FRMPD4: variants seen among roughly 807,000 people sequenced by gnomAD.
FRMPD4 encodes FERM and PDZ domain-containing protein 4.
FRMPD4 carries 22 observed loss-of-function variants against 94.1 expected under a neutral mutation model. The ratio of observed to expected loss-of-function variants is 0.23; its 90% CI spans 0.17 to 0.33. The LOEUF is 0.33. Among genes scored for constraint, FRMPD4 ranks in the 10% least tolerant of loss-of-function variants. The probability of loss-of-function intolerance (pLI) is 1.00; values close to 1 mark genes in which losing one functional copy is unlikely to be tolerated. For synonymous variants in FRMPD4, 631 were observed against 548.6 expected (o/e 1.15, Z -2.10); for missense variants, 1,111 against 1,339.9 (o/e 0.83, Z 2.67).
chrX:12,344,730 G>T (rs2055673456), intron 1 of FRMPD4, among the ~76,000 whole-genome samples: 1 of 112,272 alleles, frequency 8.9e-6, no homozygotes, highest in Non-Finnish European at 1.9e-5. Flanking sequence ...CAGACGAGTT[G>T]TGTTGACTTT....
chrX:12,296,904 T>C (rs191735843), intron 1 of FRMPD4, among the ~76,000 whole-genome samples: 27 of 112,331 alleles, frequency 2.4e-4, no homozygotes, highest in African/African-American at 8.7e-4. Flanking sequence ...CTGGCCATGC[T>C]CATGGAAGAA....
At chrX:12,144,583 C>T (rs1421886051) in intron 1 of FRMPD4, among the ~76,000 whole-genome samples, 2 of 110,286 alleles carry the variant, frequency 1.8e-5, no homozygotes, top group Non-Finnish European at 3.8e-5. Context: ...AAGTCATATA[C>T]AATTCATTCT....
chrX:12,078,905 T>C (rs892915879), intron 3 of FRMPD4, among the ~76,000 whole-genome samples: 1 of 111,675 alleles, frequency 9.0e-6, no homozygotes, highest in Admixed American at 9.5e-5. Flanking sequence ...TCAATTGAGA[T>C]CCACTAAGCC....
intron 1 of FRMPD4, among the ~76,000 whole-genome samples, chrX:12,336,782 G>A (rs1176700040): frequency 3.6e-5 from 4 of 111,968 alleles, no homozygotes; most frequent in East Asian, 2.8e-4. Context: ...CAGGAAAAAC[G>A]TCCAACTTCA....
intron 3 of FRMPD4, among the ~76,000 whole-genome samples, chrX:12,050,536 G>C (rs2054811144): frequency 9.0e-6 from 1 of 111,700 alleles, no homozygotes; most frequent in Non-Finnish European, 1.9e-5. Flanking sequence ...TTTCCCTGTT[G>C]TTAAGCAACA....
At chrX:12,086,071 C>CTGTGTG (rs753040402) in intron 3 of FRMPD4, among the ~76,000 whole-genome samples, 94 of 57,335 alleles carry the variant, frequency 1.6e-3, no homozygotes, top group African/African-American at 5.0e-3. Flanking sequence ...CTGCCTGTGT[C>CTGTGTG]TGTGTGCGTG....
chrX:11,879,704 A>C (rs966738563), intron 3 of FRMPD4, among the ~76,000 whole-genome samples: 2 of 111,758 alleles, frequency 1.8e-5, no homozygotes, highest in Admixed American at 1.9e-4. Context: ...CATAAAAAGA[A>C]ACCATTATTA....
intron 3 of FRMPD4, among the ~76,000 whole-genome samples, chrX:11,883,210 C>T (rs1285275338): frequency 9.0e-6 from 1 of 111,701 alleles, no homozygotes; most frequent in African/African-American, 3.3e-5. Context: ...TAGATGTTAG[C>T]GGTGAAGAGC....
chrX:12,553,466 A>C (rs1030914), intron 2 of FRMPD4, among the ~76,000 whole-genome samples: 1,468 of 77,485 alleles, frequency 0.019, 70 homozygotes, highest in South Asian at 0.089. Context: ...ATATATATAT[A>C]TCTAATCCAC....
In FRMPD4 at chrX:11,835,429, G is replaced by A. The variant is rs902063892; in HGVS notation, c.-161+12714G>A. 6.2e-5 allele frequency among the ~76,000 whole-genome samples: 7 copies of A among 112,078 alleles called. No individual in the cohort carries two copies. In the Admixed American group the frequency reaches 6.6e-4, roughly 11 times the overall value. On this transcript the variant is annotated intron_variant, in intron 1 of 18. Coordinates refer to the FRMPD4 transcript ENST00000640291. Reference sequence around the variant, plus strand: ...ATCAAAGCATCCAGATAGCACGAAGGCAGCAGGACTAAGAGAACAGGTATG... The same window carrying A: ...ATCAAAGCATCCAGATAGCACGAAGACAGCAGGACTAAGAGAACAGGTATG...
chrX:12,075,767 T>C (rs57202300), intron 3 of FRMPD4, among the ~76,000 whole-genome samples: 6,426 of 112,035 alleles, frequency 0.057, 485 homozygotes, highest in African/African-American at 0.2. Flanking sequence ...CAGTGGTTGC[T>C]GAATTAGTTT....
At chrX:12,043,748 A>G (rs754305716) in intron 3 of FRMPD4, among the ~76,000 whole-genome samples, 44 of 112,429 alleles carry the variant, frequency 3.9e-4, no homozygotes, top group African/African-American at 1.4e-3. Context: ...TCTTGATATT[A>G]AAATATTCCT....
intron 3 of FRMPD4, among the ~76,000 whole-genome samples, chrX:12,114,841 T>C (rs1177612009): frequency 8.9e-6 from 1 of 112,752 alleles, no homozygotes; most frequent in African/African-American, 3.2e-5. Flanking sequence ...ATTAGCTAAT[T>C]ACTTCTTTTT....
intron 1 of FRMPD4, among the ~76,000 whole-genome samples, chrX:12,475,884 A>G (rs200938336): frequency 9.1e-6 from 1 of 109,665 alleles, no homozygotes; most frequent in Admixed American, 9.7e-5. Flanking sequence ...AATGGCCATA[A>G]TGCCCAAGGT....
At chrX:12,157,182 T>G (rs987538325) in intron 1 of FRMPD4, among the ~76,000 whole-genome samples, 3 of 111,819 alleles carry the variant, frequency 2.7e-5, no homozygotes, top group African/African-American at 9.8e-5. Flanking sequence ...AAAACCTGAT[T>G]GTTTCATTTT....
chrX:12,146,514 G>A (rs950405764), intron 1 of FRMPD4, among the ~76,000 whole-genome samples: 2 of 111,353 alleles, frequency 1.8e-5, no homozygotes, highest in Non-Finnish European at 3.8e-5. Context: ...CCCTAACCAT[G>A]TTGAATTTTT....
chrX:12,461,639 C>G (rs1013949189), intron 1 of FRMPD4, among the ~76,000 whole-genome samples: 6 of 111,802 alleles, frequency 5.4e-5, no homozygotes, highest in Non-Finnish European at 9.4e-5. Context: ...TTCCACCTGC[C>G]AGCCCAGCAA....
chrX:12,044,545 C>T (rs1483980032), intron 3 of FRMPD4, among the ~76,000 whole-genome samples: 1 of 111,858 alleles, frequency 8.9e-6, no homozygotes, highest in Non-Finnish European at 1.9e-5. Context: ...GAAACATTAA[C>T]ATTGGACAGT....
chrX:12,214,502 T>C (rs917314407), intron 1 of FRMPD4, among the ~76,000 whole-genome samples: 2 of 112,560 alleles, frequency 1.8e-5, no homozygotes, highest in African/African-American at 6.4e-5. Context: ...ATATCAAATT[T>C]ATTGTTTGTT....
Sources: allele counts gnomAD v4.1 joint callset (sites outside exome capture counted in the v4.1 genomes callset), GRCh38; gene constraint gnomAD v4.1.1; transcripts MANE v1.5; gene names NCBI Gene and HGNC (gene_info 2026-07-23, HGNC 2026-07-21).